SP1: variants seen among roughly 807,000 people sequenced by gnomAD.
The protein encoded by SP1 is transcription factor Sp1.
SP1 carries 6 observed loss-of-function variants against 66.3 expected under a neutral mutation model. The ratio of observed to expected loss-of-function variants is 0.09; its 90% CI spans 0.05 to 0.18. The LOEUF is 0.18. Among genes scored for constraint, SP1 ranks in the 10% least tolerant of loss-of-function variants. The pLI, the probability that SP1 is intolerant of heterozygous loss-of-function variation, is 1.00. For missense variants in SP1, 848 were observed against 964.5 expected (o/e 0.88, Z 1.60); for synonymous variants, 417 against 360.8 (o/e 1.16, Z -1.77).
chr12:53,381,198 C>G (rs1938088800), intron 1 of SP1: 1 of 152,920 alleles, frequency 6.5e-6, no homozygotes, highest in Non-Finnish European at 1.5e-5. Context: ...GGTGATCTGC[C>G]TGCCTCCGCC....
intron 3 of SP1, among the ~76,000 whole-genome samples, chr12:53,388,787 C>T (rs1177976579): frequency 1.3e-5 from 2 of 151,974 alleles, no homozygotes; most frequent in Non-Finnish European, 2.9e-5. Context: ...CAAGACCAGC[C>T]TGGGCAACAT....
At chr12:53,410,568 G>C (rs528688333) in intron 5 of SP1, among the ~76,000 whole-genome samples, 1 of 151,538 alleles carries the variant, frequency 6.6e-6, no homozygotes, top group African/African-American at 2.4e-5. Context: ...GCAGTGGCGC[G>C]ATCTCGGCTC....
Position 53,409,446 on chromosome 12 carries a change from G to A in SP1, c.1929G>A (p.Leu643=). Residue 643 remains leucine (L), a synonymous_variant, in exon 5 of 6, where the codon CTG becomes CTA. Coordinates refer to ENST00000327443, the MANE Select transcript of SP1 (RefSeq NM_138473.3). The part of the protein sequence containing the change: ...CGKVYGKTSH[L]RAHLRWHTGE... ...AAGTGTATGGCAAGACCTCTCACCT[G>A]CGGGCACACTTGCGCTGGCATACAG... The A allele has an allele frequency of 6.2e-7, 1 of 1,614,114 alleles. No individual in the cohort carries two copies. Among genetic ancestry groups the A allele is most frequent in the Non-Finnish European group, 8.5e-7 (1 of 1,180,026 alleles).
At chr12:53,390,422 C>T (rs568223516) in intron 3 of SP1, among the ~76,000 whole-genome samples, 1 of 152,212 alleles carries the variant, frequency 6.6e-6, no homozygotes, top group Non-Finnish European at 1.5e-5. Flanking sequence ...GTGGCTCATG[C>T]CTGTAATCCC....
At position 53,411,064 on chromosome 12, in the gene SP1, A is replaced by G; in HGVS notation, c.2182A>G (p.Ser728Gly). 6.2e-7 allele frequency: 1 copy of G among 1,614,182 alleles called. No homozygotes were observed. The highest frequency in any genetic ancestry group is 8.5e-7 in the Non-Finnish European group (1 of 1,179,990). The change falls in exon 6 of 6, where the codon AGT (serine) becomes GGT (glycine). Residue 728 changes from serine to glycine, a missense_variant. Transcript: ENST00000327443. ...ALSVGTLPLDSGAGSEGSGTA... is the reference protein window; with the variant it reads ...ALSVGTLPLDGGAGSEGSGTA... ...GAGTGTGGGCACTTTGCCCCTGGAC[A>G]GTGGGGCAGGTTCAGAAGGCAGTGG... is the stretch of plus-strand genomic sequence containing the variant.
rs111282673 is a variant in SP1, at chr12:53,410,450, C to A, written c.2045-477C>A. 5.8e-4 allele frequency among the ~76,000 whole-genome samples: 88 copies of A among 152,168 alleles called. 1 individual carries two copies. The highest frequency in any genetic ancestry group is 2.0e-3 in the African/African-American group (84 of 41,554). Reference sequence around the variant, plus strand: ...CCTTCCTTACCGAGTACTCCCCAACCTTTATCTAGTTTTCTTCCTCACGCC... The same window carrying A: ...CCTTCCTTACCGAGTACTCCCCAACATTTATCTAGTTTTCTTCCTCACGCC... On this transcript the variant is annotated intron_variant, in intron 5 of 5. Coordinates refer to ENST00000327443, the MANE Select transcript of SP1 (RefSeq NM_138473.3).
chr12:53,380,527 C>T (rs1938060571), intron 1 of SP1: 1 of 567,744 alleles, frequency 1.8e-6, no homozygotes, highest in Non-Finnish European at 2.4e-6. Flanking sequence ...AGCGTGGCCT[C>T]GCCCGCCCCC....
In SP1 at chr12:53,382,747, T is replaced by A; in HGVS notation, c.800T>A (p.Leu267Gln). 1 of 1,614,190 alleles carries A rather than the reference T, an allele frequency of 6.2e-7. No individual in the cohort carries two copies. The highest frequency in any genetic ancestry group is 8.5e-7 in the Non-Finnish European group (1 of 1,180,036). ...GCCCTGAATGGGAACATCACCTTGC[T>A]ACCTGTCAACAGCGTTTCTGCAGCT... ...PVALNGNITL[L>Q]PVNSVSAATL... Residue 267 changes from leucine to glutamine, a missense_variant, in exon 3 of 6, where the codon CTA (leucine) becomes CAA (glutamine). Transcript: ENST00000327443.
At chr12:53,388,064 TTTATAAAAATG>T (rs1938269417) in intron 3 of SP1, among the ~76,000 whole-genome samples, 2 of 152,172 alleles carry the variant, frequency 1.3e-5, no homozygotes, top group African/African-American at 4.8e-5. Flanking sequence ...TTATAAAACA[TTTATAAAAATG>T]TTTTATAAAC....
intron 3 of SP1, among the ~76,000 whole-genome samples, chr12:53,389,958 G>C (rs1938312820): frequency 6.6e-6 from 1 of 152,110 alleles, no homozygotes; most frequent in Non-Finnish European, 1.5e-5. Context: ...GGTTTTATTG[G>C]GGTCAGGAAA....
chr12:53,390,540 G>T (rs1018102007), intron 3 of SP1, among the ~76,000 whole-genome samples: 1 of 152,044 alleles, frequency 6.6e-6, no homozygotes, highest in Non-Finnish European at 1.5e-5. Context: ...AAAATCAGCC[G>T]GGCATGGCGG....
chr12:53,414,607 A>C lies in SP1; in HGVS notation c.*3367A>C, dbSNP rs531559670. On this transcript the variant is annotated 3_prime_UTR_variant, in exon 6 of 6. Transcript: ENST00000327443. Reference sequence around the variant, plus strand: ...TATTTTTTGCTTTTGTATATCCTATATAGGAAACTAAGCATTGTATTTTTT... The same window carrying C: ...TATTTTTTGCTTTTGTATATCCTATCTAGGAAACTAAGCATTGTATTTTTT... 1 of 152,740 alleles carries C rather than the reference A, an allele frequency of 6.5e-6. No individual in the cohort carries two copies. Among genetic ancestry groups the C allele is most frequent in the African/African-American group, 2.4e-5 (1 of 41,550 alleles). 9.5% of individuals were successfully genotyped at this position (152,740 alleles called of 1,614,324 possible). A position where few individuals can be genotyped will look rare whatever the true frequency, so the allele number is the denominator to read the frequency against.
At chr12:53,398,410 G>A (rs899530071) in intron 3 of SP1, among the ~76,000 whole-genome samples, 1 of 152,064 alleles carries the variant, frequency 6.6e-6, no homozygotes, top group East Asian at 1.9e-4. Flanking sequence ...AGCCTCCCAG[G>A]TAGCTGGGAT....
intron 3 of SP1, among the ~76,000 whole-genome samples, chr12:53,384,366 C>T (rs1375670209): frequency 1.3e-5 from 2 of 151,410 alleles, no homozygotes; most frequent in Non-Finnish European, 2.9e-5. Flanking sequence ...CTCACTGCAA[C>T]CTCTGCCTCC....
In SP1 at chr12:53,389,232, T is replaced by C. The variant is rs934583495; in HGVS notation, c.1675+5610T>C. 1.3e-4 allele frequency among the ~76,000 whole-genome samples: 19 copies of C among 150,666 alleles called. No homozygotes were observed. In the East Asian group the frequency reaches 3.7e-3, roughly 29 times the overall value. On this transcript the variant is annotated intron_variant, in intron 3 of 5. Transcript: ENST00000327443. Reference sequence around the variant, plus strand: ...TAAAATGATCTTTTTTTTTTTTTTTTTTTTGGGAGACGGAGTTTCATTCTT... The same window carrying C: ...TAAAATGATCTTTTTTTTTTTTTTTCTTTTGGGAGACGGAGTTTCATTCTT...
At chr12:53,387,392 A>G (rs1419343234) in intron 3 of SP1, among the ~76,000 whole-genome samples, 1 of 152,214 alleles carries the variant, frequency 6.6e-6, no homozygotes, top group African/African-American at 2.4e-5. Flanking sequence ...CAGTTTTGGT[A>G]AATCTAGGGG....
intron 3 of SP1, among the ~76,000 whole-genome samples, chr12:53,398,343 C>T (rs1938535012): frequency 6.6e-6 from 1 of 152,140 alleles, no homozygotes; most frequent in Admixed American, 6.6e-5. Flanking sequence ...AGTGCAGTGC[C>T]ATGATCTTGG....
chr12:53,381,134 T>C (rs924013328), intron 1 of SP1, among the ~76,000 whole-genome samples: 1 of 151,832 alleles, frequency 6.6e-6, no homozygotes, highest in African/African-American at 2.4e-5. Flanking sequence ...GTATTTTTAG[T>C]AGAGACAGGG....
At chr12:53,409,204 G>A (rs999947622) in intron 4 of SP1, among the ~76,000 whole-genome samples, 158 bp from the exon 5 acceptor site, 18 of 149,550 alleles carry the variant, frequency 1.2e-4, no homozygotes, top group African/African-American at 4.0e-4. Flanking sequence ...CAGCCTGGAC[G>A]ACAGAGTGAG....
Sources: allele counts gnomAD v4.1 joint callset (sites outside exome capture counted in the v4.1 genomes callset), GRCh38; gene constraint gnomAD v4.1.1; transcripts MANE v1.5; gene names NCBI Gene and HGNC (gene_info 2026-07-23, HGNC 2026-07-21).